The following LRRIQ3 variants were observed in gnomAD, a reference collection of about 807,000 sequenced individuals.
LRRIQ3 encodes leucine rich repeats and IQ motif containing 3.
A neutral mutation model predicts 59.3 loss-of-function variants in LRRIQ3; 75 were observed. The ratio of observed to expected loss-of-function variants is 1.26; its 90% confidence interval spans 1.05 to 1.53. The LOEUF (loss-of-function observed/expected upper bound fraction) is 1.53. LRRIQ3 is among the 40% of genes most tolerant of loss of function. The pLI is 0.00. For missense variants in LRRIQ3, 831 were observed against 710.0 expected (o/e 1.17, Z -1.94); for synonymous variants, 250 against 231.3 (o/e 1.08, Z -0.73).
At chr1:74,130,298 C>T (rs1218580270) in intron 4 of LRRIQ3, among the ~76,000 whole-genome samples, 1 of 152,096 alleles carries the variant, frequency 6.6e-6, no homozygotes, top group Non-Finnish European at 1.5e-5. Flanking sequence ...GGATGAGCAA[C>T]TTCCCTATGG....
intron 7 of LRRIQ3, among the ~76,000 whole-genome samples, chr1:74,032,988 T>C (rs912774226): frequency 6.6e-6 from 1 of 152,048 alleles, no homozygotes; most frequent in Non-Finnish European, 1.5e-5. Flanking sequence ...GTTGAATGAA[T>C]TAAAGCTTGA....
At chr1:74,080,514 C>G (rs1646262380) in intron 5 of LRRIQ3, among the ~76,000 whole-genome samples, 1 of 151,638 alleles carries the variant, frequency 6.6e-6, no homozygotes, top group South Asian at 2.1e-4. Context: ...CTTTCTAGAT[C>G]AAGAATAAAC....
At chr1:74,061,807 G>A (rs549423969) in intron 6 of LRRIQ3, among the ~76,000 whole-genome samples, 16 of 152,234 alleles carry the variant, frequency 1.1e-4, no homozygotes, top group African/African-American at 2.2e-4. Context: ...GGCCTAGTCC[G>A]GTGAATTGCT....
chr1:74,044,836 C>T (rs1025112080), intron 6 of LRRIQ3, among the ~76,000 whole-genome samples: 4 of 152,142 alleles, frequency 2.6e-5, no homozygotes, highest in Admixed American at 6.6e-5. Flanking sequence ...ATAAACACCT[C>T]TATGCAAATA....
intron 4 of LRRIQ3, among the ~76,000 whole-genome samples, chr1:74,141,743 GA>G (rs995813843): frequency 6.6e-6 from 1 of 151,248 alleles, no homozygotes; most frequent in Non-Finnish European, 1.5e-5. Flanking sequence ...ATAAAACTAA[GA>G]AAAAAACACA....
At chr1:74,155,251 T>C (rs1570225813) in intron 4 of LRRIQ3, among the ~76,000 whole-genome samples, 2 of 152,334 alleles carry the variant, frequency 1.3e-5, no homozygotes, top group East Asian at 3.9e-4. Flanking sequence ...TCCTATCATA[T>C]CTCTGCAAGT....
Position 74,054,125 on chromosome 1 carries a change from C to T in LRRIQ3, c.998-12192G>A, listed in dbSNP as rs144054039. ...ATAATTGGCAAAATATGGAAACTAC[C>T]AAATATACTTTAGTAGGTGAATGGA... On this transcript the variant is annotated intron_variant, in intron 6 of 7. Transcript: ENST00000354431. Among the ~76,000 whole-genome samples, 346 of 151,864 alleles carry T rather than the reference C, an allele frequency of 2.3e-3. 4 individuals carry two copies. Among genetic ancestry groups the T allele is most frequent in the African/African-American group, 7.6e-3 (313 of 41,390 alleles).
intron 6 of LRRIQ3, among the ~76,000 whole-genome samples, chr1:74,049,916 C>CTTTTTTTTT (rs71242762): frequency 7.0e-6 from 1 of 142,814 alleles, no homozygotes; most frequent in Non-Finnish European, 1.5e-5. Context: ...ACCTTTGTGT[C>CTTTTTTTTT]TTTTTTTTCT....
At chr1:74,040,686 T>A (rs1187497509) in intron 7 of LRRIQ3, among the ~76,000 whole-genome samples, 3 of 152,218 alleles carry the variant, frequency 2.0e-5, no homozygotes, top group African/African-American at 7.2e-5. Flanking sequence ...TGCTCCTGAA[T>A]GACTCCTGAG....
At chr1:74,110,697 A>G (rs1403976924) in intron 4 of LRRIQ3, among the ~76,000 whole-genome samples, 1 of 152,090 alleles carries the variant, frequency 6.6e-6, no homozygotes, top group Admixed American at 6.6e-5. Context: ...CAATCTTCTC[A>G]CTTCTAAGAT....
At chr1:74,057,661 T>G (rs958188107) in intron 6 of LRRIQ3, among the ~76,000 whole-genome samples, 1 of 152,018 alleles carries the variant, frequency 6.6e-6, no homozygotes, top group Non-Finnish European at 1.5e-5. Context: ...AAAAGAGAAA[T>G]GCTGCATGAC....
At chr1:74,091,162 C>T (rs1021556407) in intron 5 of LRRIQ3, among the ~76,000 whole-genome samples, 3 of 152,016 alleles carry the variant, frequency 2.0e-5, no homozygotes, top group African/African-American at 7.2e-5. Flanking sequence ...GAGCTGGAAA[C>T]TCACACAGCT....
chr1:74,107,098 G>GT (rs1282527188), intron 5 of LRRIQ3, among the ~76,000 whole-genome samples: 3 of 151,832 alleles, frequency 2.0e-5, no homozygotes, highest in Non-Finnish European at 1.5e-5. Context: ...TTGCATCGTG[G>GT]TATTTCCTAA....
chr1:74,180,829 TC>T, intron 3 of LRRIQ3: 1 of 1,544,032 alleles, frequency 6.5e-7, no homozygotes, highest in Non-Finnish European at 8.8e-7. Flanking sequence ...GAATAAATAT[TC>T]TTCAAAAAGG....
intron 5 of LRRIQ3, among the ~76,000 whole-genome samples, chr1:74,102,060 A>T (rs958870194): frequency 2.8e-4 from 32 of 114,742 alleles, no homozygotes; most frequent in African/African-American, 1.1e-3. Flanking sequence ...AAGTATAATT[A>T]AAAAAAAAAA....
At chr1:74,057,905 T>C (rs574047071) in intron 6 of LRRIQ3, among the ~76,000 whole-genome samples, 2 of 151,804 alleles carry the variant, frequency 1.3e-5, no homozygotes. Context: ...TAAAAAATAG[T>C]CAAAATCCCT....
intron 5 of LRRIQ3, among the ~76,000 whole-genome samples, chr1:74,091,869 C>T (rs1310264907): frequency 6.6e-6 from 1 of 152,090 alleles, no homozygotes; most frequent in Non-Finnish European, 1.5e-5. Context: ...ACCTACTCTG[C>T]AGCAAAGACT....
chr1:74,073,271 G>C (rs1170136339), intron 6 of LRRIQ3, among the ~76,000 whole-genome samples: 1 of 152,070 alleles, frequency 6.6e-6, no homozygotes, highest in Non-Finnish European at 1.5e-5. Context: ...CCAGCACTTT[G>C]GGAGGCCGAG....
At chr1:74,039,408 G>C (rs1326058980) in intron 7 of LRRIQ3, among the ~76,000 whole-genome samples, 1 of 152,126 alleles carries the variant, frequency 6.6e-6, no homozygotes, top group Non-Finnish European at 1.5e-5. Flanking sequence ...CACATGTCAG[G>C]ATACTATCTA....
Sources: allele counts gnomAD v4.1 joint callset (sites outside exome capture counted in the v4.1 genomes callset), GRCh38; gene constraint gnomAD v4.1.1; transcripts MANE v1.5; gene names NCBI Gene and HGNC (gene_info 2026-07-23, HGNC 2026-07-21).